The following VWC2 variants were observed in gnomAD, a reference collection of about 807,000 sequenced individuals.
VWC2 encodes the protein von Willebrand factor C domain containing 2, also known as brorin.
A neutral mutation model predicts 29.8 loss-of-function variants in VWC2; 14 were observed. The observed-to-expected ratio is 0.47, with a 90% CI of 0.31 to 0.74. The LOEUF (loss-of-function observed/expected upper bound fraction) is 0.74, where lower values mean the gene tolerates loss of function less well. VWC2 is among the 30% of genes least tolerant of loss of function. The probability of loss-of-function intolerance (pLI) is 0.05; values close to 1 mark genes in which losing one functional copy is unlikely to be tolerated. For missense variants in VWC2, 457 were observed against 459.8 expected (o/e 0.99, Z 0.05); for synonymous variants, 213 against 199.0 (o/e 1.07, Z -0.59).
At chr7:49,847,568 G>T (rs1789991540) in intron 3 of VWC2, among the ~76,000 whole-genome samples, 1 of 152,176 alleles carries the variant, frequency 6.6e-6, no homozygotes. Context: ...TTCAAAGAGA[G>T]TTGGTTATAC....
intron 3 of VWC2, among the ~76,000 whole-genome samples, chr7:49,837,692 T>A (rs1469258289): frequency 2.6e-5 from 4 of 152,162 alleles, no homozygotes; most frequent in African/African-American, 9.7e-5. Context: ...AATGGCAAGG[T>A]TATGCCTCCA....
At chr7:49,806,736 TTG>T (rs377260533) in intron 3 of VWC2, among the ~76,000 whole-genome samples, 36 of 150,212 alleles carry the variant, frequency 2.4e-4, no homozygotes, top group African/African-American at 7.8e-4. Context: ...GTGTGTGTGT[TTG>T]TGTGTGTGTG....
chr7:49,824,098 T>C (rs1789334308), intron 3 of VWC2, among the ~76,000 whole-genome samples: 1 of 152,140 alleles, frequency 6.6e-6, no homozygotes, highest in African/African-American at 2.4e-5. Context: ...GAGCAGAATT[T>C]TTTAATTTTG....
At chr7:49,848,233 C>T (rs551555335) in intron 3 of VWC2, among the ~76,000 whole-genome samples, 1 of 152,288 alleles carries the variant, frequency 6.6e-6, no homozygotes, top group Admixed American at 6.5e-5. Context: ...TCTTTGGGAG[C>T]AGTCTGTGGT....
At chr7:49,896,996 C>A (rs944380116) in intron 3 of VWC2, among the ~76,000 whole-genome samples, 2 of 151,482 alleles carry the variant, frequency 1.3e-5, no homozygotes, top group Non-Finnish European at 2.9e-5. Flanking sequence ...CCCGGGTTCA[C>A]GCCATTCTCC....
At chr7:49,826,886 G>C (rs1789405691) in intron 3 of VWC2, among the ~76,000 whole-genome samples, 1 of 152,066 alleles carries the variant, frequency 6.6e-6, no homozygotes, top group Non-Finnish European at 1.5e-5. Context: ...CAAGTACCAT[G>C]TATCATTTAT....
chr7:49,921,303 C>A lies in VWC2; in HGVS notation c.*9118C>A, dbSNP rs1794005507. 6.6e-6 allele frequency: 1 copy of A among 152,210 alleles called. No homozygotes were observed. The highest frequency in any genetic ancestry group is 2.4e-5 in the African/African-American group (1 of 41,446). 9.4% of individuals were successfully genotyped at this position (152,210 alleles called of 1,614,324 possible). A position where few individuals can be genotyped will look rare whatever the true frequency, so the allele number is the denominator to read the frequency against. ...TTAAAAGGCATAGGTGAGTTGTTCC[C>A]ATCCCTGGCCTGAGCCTTACTCCAT... On this transcript the variant is annotated 3_prime_UTR_variant, in exon 4 of 4. Transcript: ENST00000340652.
intron 3 of VWC2, among the ~76,000 whole-genome samples, chr7:49,898,570 A>G (rs1169375405): frequency 6.6e-6 from 1 of 152,096 alleles, no homozygotes; most frequent in Admixed American, 6.5e-5. Flanking sequence ...AACACATTAC[A>G]TATGTATATA....
intron 3 of VWC2, among the ~76,000 whole-genome samples, chr7:49,825,178 C>T (rs1789365602): frequency 6.6e-6 from 1 of 152,086 alleles, no homozygotes; most frequent in Non-Finnish European, 1.5e-5. Context: ...TTGTACTTTT[C>T]AATTCTAGAA....
rs1250093710 is a variant in VWC2 at position 49,845,655 on chromosome 7, ACC to A, written c.826+42816_826+42817del. On this transcript the variant is annotated intron_variant, in intron 3 of 3. Transcript: ENST00000340652. ...AGAAATTCCTAACTTTAAAATACCAACCTTCGGTGATACTTCAGAAGCAAATT... is the reference window on the plus strand; with the variant it reads ...AGAAATTCCTAACTTTAAAATACCAATTCGGTGATACTTCAGAAGCAAATT... Among the ~76,000 whole-genome samples the A allele has an allele frequency of 3.2e-3, 494 of 152,330 alleles. 6 individuals are homozygous for A. Among genetic ancestry groups the A allele is most frequent in the African/African-American group, 0.011 (461 of 41,576 alleles).
intron 1 of VWC2, among the ~76,000 whole-genome samples, chr7:49,774,754 G>A (rs977402175): frequency 2.6e-5 from 4 of 152,204 alleles, no homozygotes; most frequent in Admixed American, 2.0e-4. Flanking sequence ...GCGGGGAGGG[G>A]GCGTCTGCTC....
chr7:49,822,777 C>A (rs1188374834), intron 3 of VWC2, among the ~76,000 whole-genome samples: 1 of 152,170 alleles, frequency 6.6e-6, no homozygotes, highest in African/African-American at 2.4e-5. Flanking sequence ...GAGTGTGAGT[C>A]TTTGTGTCTG....
intron 2 of VWC2, among the ~76,000 whole-genome samples, chr7:49,800,133 C>T (rs1225602954): frequency 6.6e-6 from 1 of 152,164 alleles, no homozygotes; most frequent in Non-Finnish European, 1.5e-5. Flanking sequence ...TGCCTTTAAG[C>T]AGTATTCTGT....
chr7:49,792,209 G>C (rs1235680430), intron 2 of VWC2, among the ~76,000 whole-genome samples: 1 of 152,102 alleles, frequency 6.6e-6, no homozygotes, highest in African/African-American at 2.4e-5. Context: ...GGATACCAGC[G>C]GACGACTGTA....
intron 3 of VWC2, among the ~76,000 whole-genome samples, chr7:49,875,369 CAAAAAAAA>C (rs71018432): frequency 6.8e-4 from 13 of 19,010 alleles, no homozygotes; most frequent in African/African-American, 1.6e-3. Flanking sequence ...GATTCTGACT[CAAAAAAAA>C]AAAAAAAAAA....
chr7:49,783,368 C>G (rs1462872223), intron 2 of VWC2, among the ~76,000 whole-genome samples: 2 of 152,024 alleles, frequency 1.3e-5, no homozygotes, highest in Non-Finnish European at 2.9e-5. Context: ...TTAATAGACT[C>G]CACTGTTGTT....
At chr7:49,800,742 C>T (rs1217432454) in intron 2 of VWC2, among the ~76,000 whole-genome samples, 2 of 150,994 alleles carry the variant, frequency 1.3e-5, no homozygotes, top group Non-Finnish European at 2.9e-5. Context: ...ATATATCCCC[C>T]TTGAGACAAA....
rs1282158486 is a variant in VWC2, at chr7:49,908,294, GAC to G, written c.827-3738_827-3737del. 8.5e-5 allele frequency among the ~76,000 whole-genome samples: 13 copies of G among 152,298 alleles called. No homozygotes were observed. In the East Asian group the frequency reaches 2.1e-3, roughly 25 times the overall value. ...ACGCCTACATTTCATCATGACCTGA[GAC>G]AGGTTTTCAGGTTAACTTTGGAATG... On this transcript the variant is annotated intron_variant, in intron 3 of 3. Coordinates refer to ENST00000340652, the MANE Select transcript of VWC2 (RefSeq NM_198570.5).
rs1295548284 is a variant in VWC2 at position 49,921,522 on chromosome 7, C to T, written c.*9337C>T. 1 of 152,184 alleles carries T rather than the reference C, an allele frequency of 6.6e-6. No homozygotes were observed. The highest frequency in any genetic ancestry group is 1.5e-5 in the Non-Finnish European group (1 of 68,040). 9.4% of individuals were successfully genotyped at this position (152,184 alleles called of 1,614,324 possible). ...TTATTTATCAGGTACACGTTACCTA[C>T]CTCTCTGTAACTCAGATTGCTCATC... On this transcript the variant is annotated 3_prime_UTR_variant, in exon 4 of 4. Coordinates refer to ENST00000340652, the MANE Select transcript of VWC2 (RefSeq NM_198570.5).
Sources: allele counts gnomAD v4.1 joint callset (sites outside exome capture counted in the v4.1 genomes callset), GRCh38; gene constraint gnomAD v4.1.1; transcripts MANE v1.5; gene names NCBI Gene and HGNC (gene_info 2026-07-23, HGNC 2026-07-21).